MEIKIN: variants seen among roughly 807,000 people sequenced by gnomAD.
MEIKIN encodes meiotic kinetochore factor, also known as meiosis-specific kinetochore protein.
At chr5:131,895,531 G>T (rs1580895741) in intron 8 of MEIKIN, among the ~76,000 whole-genome samples, 1 of 152,184 alleles carries the variant, frequency 6.6e-6, no homozygotes, top group East Asian at 1.9e-4. Context: ...ACTTTTTTTG[G>T]TTGGCAGGAT....
At chr5:131,820,758 A>G (rs1749484051) in intron 11 of MEIKIN, among the ~76,000 whole-genome samples, 1 of 152,210 alleles carries the variant, frequency 6.6e-6, no homozygotes, top group African/African-American at 2.4e-5. Flanking sequence ...CTATGTGTCT[A>G]GAAATTTATC....
chr5:131,880,937 A>T (rs1205414557), intron 8 of MEIKIN, among the ~76,000 whole-genome samples: 2 of 152,230 alleles, frequency 1.3e-5, no homozygotes, highest in Non-Finnish European at 2.9e-5. Context: ...TATCTTAAAA[A>T]TTATTTGCTG....
chr5:131,926,221 C>A (rs1034673179), intron 5 of MEIKIN, among the ~76,000 whole-genome samples: 1 of 152,036 alleles, frequency 6.6e-6, no homozygotes, highest in Non-Finnish European at 1.5e-5. Context: ...GCCTTCTGTT[C>A]CTAGTTTGAG....
chr5:131,860,701 G>A, intron 9 of MEIKIN, among the ~76,000 whole-genome samples: 1 of 147,686 alleles, frequency 6.8e-6, no homozygotes, highest in Non-Finnish European at 1.5e-5. Flanking sequence ...CCCACCTCAG[G>A]CTCCCAAAGT....
chr5:131,829,422 A>T (rs1285976268), intron 11 of MEIKIN, among the ~76,000 whole-genome samples: 33 of 152,168 alleles, frequency 2.2e-4, no homozygotes, highest in Admixed American at 2.2e-3. Context: ...TCCCAGGATG[A>T]TGGTACGAGG....
chr5:131,890,159 C>T (rs139611045), intron 8 of MEIKIN, among the ~76,000 whole-genome samples: 2,731 of 152,150 alleles, frequency 0.018, 37 homozygotes, highest in Non-Finnish European at 0.027. Context: ...GTCTAAAATT[C>T]TCTCTTTTTG....
intron 8 of MEIKIN, among the ~76,000 whole-genome samples, chr5:131,905,157 C>A (rs990875031): frequency 2.0e-5 from 3 of 151,976 alleles, no homozygotes; most frequent in African/African-American, 7.3e-5. Context: ...AAACCCCATA[C>A]AATTAAATGG....
At chr5:131,863,697 C>G (rs1050467756) in intron 9 of MEIKIN, among the ~76,000 whole-genome samples, 7 of 151,818 alleles carry the variant, frequency 4.6e-5, no homozygotes, top group Non-Finnish European at 5.9e-5. Flanking sequence ...TCTGTGTCCC[C>G]ACCCAAATCT....
At chr5:131,892,556 T>C (rs1354839996) in intron 8 of MEIKIN, among the ~76,000 whole-genome samples, 2 of 152,250 alleles carry the variant, frequency 1.3e-5, no homozygotes, top group Non-Finnish European at 2.9e-5. Flanking sequence ...GCCGTGGTTT[T>C]CAGCTCCATC....
At chr5:131,831,477 A>C (rs931693610) in intron 11 of MEIKIN, among the ~76,000 whole-genome samples, 2 of 152,202 alleles carry the variant, frequency 1.3e-5, no homozygotes, top group East Asian at 3.9e-4. Context: ...AGATTGCTTA[A>C]GCCCAGGAGT....
At chr5:131,922,075 GA>G in intron 5 of MEIKIN, 134 bp from the exon 6 acceptor site, 1 of 391,962 alleles carries the variant, frequency 2.6e-6, no homozygotes, top group East Asian at 3.6e-5. Context: ...GGATGAGACA[GA>G]AAAAAATAAG....
In MEIKIN at chr5:131,811,692, T is replaced by G. The variant is rs148657310; in HGVS notation, c.1100-4434A>C. On this transcript the variant is annotated intron_variant, in intron 12 of 12. Coordinates refer to ENST00000442687, the MANE Select transcript of MEIKIN (RefSeq NM_001303622.2). ...CACGATCTCGGCTCACTGCCAGCTC[T>G]GCCTCCCGGGTTCATGCCATCCTCC... 4.4e-3 allele frequency among the ~76,000 whole-genome samples: 677 copies of G among 152,240 alleles called. 2 individuals are homozygous for G. Among genetic ancestry groups the G allele is most frequent in the South Asian group, 8.5e-3 (41 of 4,824 alleles).
chr5:131,881,769 G>A (rs1441355541), intron 8 of MEIKIN, among the ~76,000 whole-genome samples: 1 of 152,072 alleles, frequency 6.6e-6, no homozygotes, highest in African/African-American at 2.4e-5. Context: ...CAGCACCTGG[G>A]AAGTTTTCTA....
In MEIKIN at chr5:131,895,130, C is replaced by T. The variant is rs565473204; in HGVS notation, c.704-16082G>A. ...TGAATTTTGTCGAAGGCCTCTTCTG[C>T]ATCTGTTGAGATAATCATGTGGTTT... On this transcript the variant is annotated intron_variant, in intron 8 of 12. Transcript: ENST00000442687. Among the ~76,000 whole-genome samples the T allele has an allele frequency of 3.2e-4, 49 of 152,300 alleles. No homozygotes were observed. In the South Asian group the frequency reaches 1.0e-2, roughly 31 times the overall value.
chr5:131,848,623 C>G (rs936293203), intron 11 of MEIKIN, among the ~76,000 whole-genome samples: 2 of 152,148 alleles, frequency 1.3e-5, no homozygotes, highest in Non-Finnish European at 2.9e-5. Context: ...CAATACTTCT[C>G]TAACTTTCCA....
chr5:131,905,705 A>G (rs918820846), intron 8 of MEIKIN, among the ~76,000 whole-genome samples: 24 of 152,122 alleles, frequency 1.6e-4, no homozygotes, highest in Admixed American at 2.6e-4. Flanking sequence ...CACACAGACC[A>G]ATAGAGAAAC....
chr5:131,892,739 T>G (rs1268845455), intron 8 of MEIKIN, among the ~76,000 whole-genome samples: 1 of 152,234 alleles, frequency 6.6e-6, no homozygotes, highest in African/African-American at 2.4e-5. Context: ...TCCGTCCAGC[T>G]TTGTTCCATT....
intron 7 of MEIKIN, among the ~76,000 whole-genome samples, chr5:131,914,437 T>A (rs1580904687): frequency 4.6e-5 from 5 of 108,430 alleles, no homozygotes; most frequent in Non-Finnish European, 7.5e-5. Flanking sequence ...GGAAGAAGGA[T>A]GGACAGACAG....
Position 131,818,833 on chromosome 5 carries a change from T to C in MEIKIN, c.1006A>G (p.Ile336Val), listed in dbSNP as rs1749415757. Residue 336 changes from isoleucine to valine, a missense_variant, in exon 12 of 13, where the codon ATT becomes GTT. Transcript: ENST00000442687. ...FPANASEICC[I>V]IRTSPGTRQV... Reference sequence around the variant, plus strand: ...CTAGTTCCTGGTGATGTTCTAATAATACAACATATTTCTGATGCATTTGCA... The same window carrying C: ...CTAGTTCCTGGTGATGTTCTAATAACACAACATATTTCTGATGCATTTGCA... 2 of 398,016 alleles carry C rather than the reference T, an allele frequency of 5.0e-6. No individual in the cohort carries two copies. Among genetic ancestry groups the C allele is most frequent in the Admixed American group, 4.4e-5 (1 of 22,710 alleles). The allele number at this position is 398,016 out of a possible 1,614,324, so 24.7% of individuals were successfully genotyped here. A position where few individuals can be genotyped will look rare whatever the true frequency, so the allele number is the denominator to read the frequency against.
Sources: gnomAD v4.1 joint callset for allele counts (sites outside exome capture counted in the v4.1 genomes callset) on GRCh38, gnomAD v4.1.1 for gene constraint, MANE v1.5 for transcripts, NCBI Gene and HGNC (gene_info 2026-07-23, HGNC 2026-07-21) for gene names.